MGMT: variants seen among roughly 807,000 people sequenced by gnomAD.
The protein encoded by MGMT is methylated-DNA--protein-cysteine methyltransferase.
A neutral mutation model predicts 15.9 loss-of-function variants in MGMT; 14 were observed. The observed-to-expected ratio is 0.88, with a 90% CI of 0.58 to 1.37. The LOEUF is 1.37. MGMT is among the 40% of genes most tolerant of loss of function. MGMT has a pLI of 0.00. For missense variants in MGMT, 282 were observed against 268.1 expected (o/e 1.05, Z -0.36); for synonymous variants, 130 against 118.2 (o/e 1.10, Z -0.65).
intron 2 of MGMT, among the ~76,000 whole-genome samples, chr10:129,677,479 C>T (rs1316219729): frequency 6.6e-6 from 1 of 152,198 alleles, no homozygotes; most frequent in South Asian, 2.1e-4. Flanking sequence ...TGCCTCATCT[C>T]TCTGTTTCTC....
chr10:129,634,590 AT>A (rs1029936326), intron 2 of MGMT, among the ~76,000 whole-genome samples: 1 of 151,556 alleles, frequency 6.6e-6, no homozygotes, highest in Admixed American at 6.6e-5. Flanking sequence ...AAGTTCACTA[AT>A]TTTTTCTTTT....
chr10:129,518,194 A>G (rs1472928969), intron 1 of MGMT, among the ~76,000 whole-genome samples: 1 of 151,932 alleles, frequency 6.6e-6, no homozygotes, highest in South Asian at 2.1e-4. Context: ...ATAGAAAAAA[A>G]ATTTTTCATC....
intron 2 of MGMT, among the ~76,000 whole-genome samples, chr10:129,627,469 G>A (rs112090505): frequency 0.04 from 6,064 of 151,900 alleles, 182 homozygotes; most frequent in Non-Finnish European, 0.066. Flanking sequence ...TCAGTTTTTC[G>A]CCCCCGAGTG....
At chr10:129,618,589 ATT>A (rs1847055381) in intron 2 of MGMT, among the ~76,000 whole-genome samples, 1 of 151,998 alleles carries the variant, frequency 6.6e-6, no homozygotes, top group South Asian at 2.1e-4. Flanking sequence ...TTGCAGAGAT[ATT>A]TCACAGTTTT....
chr10:129,765,647 C>G (rs975966116), intron 4 of MGMT, among the ~76,000 whole-genome samples: 1 of 152,222 alleles, frequency 6.6e-6, no homozygotes, highest in Non-Finnish European at 1.5e-5. Flanking sequence ...TCCCCTCTGG[C>G]TAAGCTCTGG....
At chr10:129,687,952 G>A (rs1175054580) in intron 2 of MGMT, among the ~76,000 whole-genome samples, 1 of 151,934 alleles carries the variant, frequency 6.6e-6, no homozygotes, top group Non-Finnish European at 1.5e-5. Context: ...ATGGTGTTTG[G>A]TTTTCTGTCC....
chr10:129,555,943 G>A (rs901807343), intron 2 of MGMT, among the ~76,000 whole-genome samples: 1 of 152,092 alleles, frequency 6.6e-6, no homozygotes, highest in Non-Finnish European at 1.5e-5. Flanking sequence ...GCAGGCATTC[G>A]GAGAACTGAG....
At chr10:129,598,235 C>T (rs920662045) in intron 2 of MGMT, among the ~76,000 whole-genome samples, 32 of 152,002 alleles carry the variant, frequency 2.1e-4, no homozygotes, top group East Asian at 1.9e-4. Context: ...ATGAATCTGT[C>T]GTGTTTCTCA....
At chr10:129,755,863 C>T (rs551887058) in intron 3 of MGMT, among the ~76,000 whole-genome samples, 10 of 152,182 alleles carry the variant, frequency 6.6e-5, no homozygotes, top group Admixed American at 3.3e-4. Flanking sequence ...CTGAGCACAG[C>T]GGTGGCAGAG....
At chr10:129,662,576 G>C (rs1847609544) in intron 2 of MGMT, among the ~76,000 whole-genome samples, 1 of 152,106 alleles carries the variant, frequency 6.6e-6, no homozygotes, top group African/African-American at 2.4e-5. Context: ...CAGCCAACAG[G>C]ACAAAGCGGA....
chr10:129,487,063 G>A (rs1845416300), intron 1 of MGMT, among the ~76,000 whole-genome samples: 1 of 152,150 alleles, frequency 6.6e-6, no homozygotes, highest in African/African-American at 2.4e-5. Context: ...TGGGCTACTT[G>A]GATAGCTGGT....
chr10:129,577,065 G>C (rs542719365), intron 2 of MGMT, among the ~76,000 whole-genome samples: 36 of 152,252 alleles, frequency 2.4e-4, no homozygotes, highest in Admixed American at 1.5e-3. Context: ...AACATTCCAT[G>C]CTCATGGGTA....
At chr10:129,490,071 C>T (rs1365491892) in intron 1 of MGMT, among the ~76,000 whole-genome samples, 2 of 152,098 alleles carry the variant, frequency 1.3e-5, no homozygotes, top group Non-Finnish European at 2.9e-5. Flanking sequence ...AAAGAACTTT[C>T]CTTCTCTTCT....
In MGMT at chr10:129,532,615, T is replaced by C. The variant is rs1434829230; in HGVS notation, c.-12-3626T>C. On this transcript the variant is annotated intron_variant, in intron 1 of 4. Transcript: ENST00000651593. The surrounding 1 kb of genome is among the most constrained non-coding windows in gnomAD (Gnocchi z 5.3). ...AGGCTCCTACCTTTCTCCCTGGCCC[T>C]GTCTCTGCACACTCCAATGTCTTCC... is the stretch of plus-strand genomic sequence containing the variant. Among the ~76,000 whole-genome samples, 1 of 152,050 alleles carries C rather than the reference T, an allele frequency of 6.6e-6. No individual in the cohort carries two copies. The highest frequency in any genetic ancestry group is 1.5e-5 in the Non-Finnish European group (1 of 68,004).
chr10:129,605,405 T>C (rs1462974750), intron 2 of MGMT, among the ~76,000 whole-genome samples: 1 of 152,230 alleles, frequency 6.6e-6, no homozygotes, highest in Non-Finnish European at 1.5e-5. Context: ...TATTCTGTTT[T>C]CATGGGCCCC....
intron 3 of MGMT, among the ~76,000 whole-genome samples, chr10:129,711,263 A>G (rs1287663804): frequency 1.3e-5 from 2 of 151,966 alleles, no homozygotes; most frequent in African/African-American, 4.9e-5. Flanking sequence ...GTTGAACCAT[A>G]TGAAATTGCT....
chr10:129,542,540 C>A (rs570162023), intron 2 of MGMT, among the ~76,000 whole-genome samples: 2 of 152,158 alleles, frequency 1.3e-5, no homozygotes, highest in African/African-American at 4.8e-5. Context: ...CAAAAAAACG[C>A]GCTCTGTAGG....
chr10:129,481,906 T>C (rs961840684), intron 1 of MGMT, among the ~76,000 whole-genome samples: 2 of 152,218 alleles, frequency 1.3e-5, no homozygotes, highest in African/African-American at 4.8e-5. Context: ...TTTTCTCTCT[T>C]ACTGATTTCT....
intron 1 of MGMT, among the ~76,000 whole-genome samples, chr10:129,496,342 A>G (rs1845521203): frequency 6.6e-6 from 1 of 152,126 alleles, no homozygotes; most frequent in African/African-American, 2.4e-5. Context: ...CTCCAATAAC[A>G]ATAAGTACAT....
Sources: allele counts gnomAD v4.1 joint callset (sites outside exome capture counted in the v4.1 genomes callset), GRCh38; gene constraint gnomAD v4.1.1; non-coding constraint Gnocchi (gnomAD v3.1); transcripts MANE v1.5; gene names NCBI Gene and HGNC (gene_info 2026-07-23, HGNC 2026-07-21).